The following RNF150 variants were observed in gnomAD, a reference collection of about 807,000 sequenced individuals.
RNF150 encodes ring finger protein 150.
A neutral mutation model predicts 39.3 loss-of-function variants in RNF150; 24 were observed. That is an observed-to-expected ratio of 0.61 (90% CI 0.44 to 0.86). The LOEUF is 0.86. Ranked by LOEUF, RNF150 falls within the 40% of genes least tolerant of loss-of-function variation. The pLI, the probability that RNF150 is intolerant of heterozygous loss-of-function variation, is 0.00. For missense variants in RNF150, 502 were observed against 587.8 expected, an observed-to-expected ratio of 0.85 and a Z score of 1.51; for synonymous variants, 255 against 227.3, an observed-to-expected ratio of 1.12 and a Z score of -1.10.
At chr4:140,924,366 C>A (rs975870746) in intron 5 of RNF150, among the ~76,000 whole-genome samples, 1 of 152,132 alleles carries the variant, frequency 6.6e-6, no homozygotes, top group African/African-American at 2.4e-5. Flanking sequence ...AGAAGTTATA[C>A]CTCCATTGAA....
chr4:140,990,000 TG>T (rs1734141448), intron 1 of RNF150, among the ~76,000 whole-genome samples: 1 of 152,148 alleles, frequency 6.6e-6, no homozygotes, highest in South Asian at 2.1e-4. Flanking sequence ...AAAAAAAAAT[TG>T]TTCTTTCTTT....
chr4:141,154,949 TA>T (rs1727359305), intron 1 of RNF150, among the ~76,000 whole-genome samples: 1 of 152,232 alleles, frequency 6.6e-6, no homozygotes. Flanking sequence ...GCCTATTCAC[TA>T]AAATAAATGC....
intron 1 of RNF150, among the ~76,000 whole-genome samples, chr4:141,061,592 C>T (rs917992255): frequency 6.6e-6 from 1 of 152,160 alleles, no homozygotes; most frequent in African/African-American, 2.4e-5. Flanking sequence ...CCACCATACT[C>T]ACTGCAAGAG....
intron 4 of RNF150, among the ~76,000 whole-genome samples, chr4:140,926,432 T>C (rs1227782650): frequency 6.6e-6 from 1 of 152,216 alleles, no homozygotes; most frequent in Non-Finnish European, 1.5e-5. Flanking sequence ...TGATTGATAC[T>C]ACTTTAAAAA....
chr4:141,027,915 T>TA (rs1735770073), intron 1 of RNF150, among the ~76,000 whole-genome samples: 1 of 56,398 alleles, frequency 1.8e-5, no homozygotes, highest in Non-Finnish European at 3.5e-5. Flanking sequence ...GGAATTTGTT[T>TA]TTTTTTTTTT....
intron 1 of RNF150, among the ~76,000 whole-genome samples, chr4:141,183,283 C>G (rs1442287206): frequency 6.6e-6 from 1 of 152,070 alleles, no homozygotes; most frequent in Non-Finnish European, 1.5e-5. Flanking sequence ...TTATTGTTGA[C>G]TCAGTAGGTA....
chr4:140,882,081 G>A (rs139019679), intron 6 of RNF150, among the ~76,000 whole-genome samples: 6,640 of 151,848 alleles, frequency 0.044, 513 homozygotes, highest in African/African-American at 0.15. Context: ...GTGCAGTGGT[G>A]CAATCTCGGC....
At chr4:141,194,248 T>A (rs895436169) in intron 1 of RNF150, among the ~76,000 whole-genome samples, 3 of 152,230 alleles carry the variant, frequency 2.0e-5, no homozygotes, top group African/African-American at 7.2e-5. Context: ...TATAGTATTA[T>A]ACACATTCAA....
rs368415602 is a variant in RNF150 at position 140,911,222 on chromosome 4, G to A, written c.1120C>T (p.Arg374Trp). 92 of 1,614,116 alleles carry A rather than the reference G, an allele frequency of 5.7e-5. No individual in the cohort carries two copies. The highest frequency in any genetic ancestry group is 2.4e-4 in the South Asian group (22 of 91,088). ...ACCACCTGCAAGGCTCCCACAGTCC[G>A]GACAGCAGGGTCCAAAGTGACTGAA... is the stretch of plus-strand genomic sequence containing the variant. ...ESSVTLDPAV[R>W]TVGALQVVQD... Residue 374 changes from arginine (R) to tryptophan (W), a missense_variant, in exon 6 of 7, where the codon CGG (arginine) becomes TGG (tryptophan). Arg to Trp is a moderately radical substitution (Grantham distance 101). Transcript: ENST00000515673.
chr4:140,881,159 C>T (rs1182122617), intron 6 of RNF150, among the ~76,000 whole-genome samples: 5 of 148,590 alleles, frequency 3.4e-5, no homozygotes, highest in African/African-American at 1.2e-4. Context: ...ATAAACTTTC[C>T]TTTGTACTTT....
chr4:140,935,042 TATA>T (rs1217023607), intron 4 of RNF150, among the ~76,000 whole-genome samples: 7 of 4,232 alleles, frequency 1.7e-3, no homozygotes, highest in East Asian at 0.024. Context: ...AATATATATA[TATA>T]AATATATATA....
At chr4:141,082,382 A>G (rs998806133) in intron 1 of RNF150, among the ~76,000 whole-genome samples, 1 of 152,158 alleles carries the variant, frequency 6.6e-6, no homozygotes, top group Non-Finnish European at 1.5e-5. Flanking sequence ...GATTCAATTC[A>G]GTTCCTGTTC....
chr4:141,078,870 T>C (rs551315824), intron 1 of RNF150, among the ~76,000 whole-genome samples: 9 of 145,540 alleles, frequency 6.2e-5, no homozygotes, highest in East Asian at 2.0e-4. Flanking sequence ...CATATATATA[T>C]ACACACATAT....
chr4:140,928,811 G>T (rs891330261), intron 4 of RNF150, among the ~76,000 whole-genome samples: 2 of 152,172 alleles, frequency 1.3e-5, no homozygotes, highest in African/African-American at 4.8e-5. Context: ...CTCCCAAAGT[G>T]CTAGGATTAC....
intron 1 of RNF150, among the ~76,000 whole-genome samples, chr4:141,018,423 C>T (rs1192500605): frequency 6.6e-6 from 1 of 152,102 alleles, no homozygotes; most frequent in Non-Finnish European, 1.5e-5. Flanking sequence ...GCTTGTGAAA[C>T]CCCCAGTGTT....
chr4:140,877,134 A>C (rs1729184986), intron 6 of RNF150, among the ~76,000 whole-genome samples: 1 of 152,206 alleles, frequency 6.6e-6, no homozygotes, highest in South Asian at 2.1e-4. Context: ...GTGACACTTC[A>C]TCTAGCAGGG....
intron 1 of RNF150, among the ~76,000 whole-genome samples, chr4:141,116,694 T>C (rs1016034042): frequency 1.3e-5 from 2 of 152,202 alleles, no homozygotes; most frequent in Non-Finnish European, 2.9e-5. Flanking sequence ...TGCACACATA[T>C]GTTTATTTCA....
intron 4 of RNF150, among the ~76,000 whole-genome samples, chr4:140,933,191 A>G (rs989399923): frequency 1.3e-5 from 2 of 152,232 alleles, no homozygotes; most frequent in Non-Finnish European, 2.9e-5. Flanking sequence ...TACTGAATTC[A>G]GCGAAGGGAG....
At chr4:140,942,924 G>A (rs1228224146) in intron 4 of RNF150, among the ~76,000 whole-genome samples, 2 of 152,104 alleles carry the variant, frequency 1.3e-5, no homozygotes, top group Non-Finnish European at 2.9e-5. Context: ...GCCCCTACGC[G>A]CCACATAATC....
Sources: gnomAD v4.1 joint callset for allele counts (sites outside exome capture counted in the v4.1 genomes callset) on GRCh38, gnomAD v4.1.1 for gene constraint, MANE v1.5 for transcripts, NCBI Gene and HGNC (gene_info 2026-07-23, HGNC 2026-07-21) for gene names.